ACTR3C: variants seen among roughly 807,000 people sequenced by gnomAD.
ACTR3C encodes the protein actin-related protein 3C.
A neutral mutation model predicts 26.3 loss-of-function variants in ACTR3C; 18 were observed. The observed-to-expected ratio is 0.68, with a 90% CI of 0.47 to 1.01. ACTR3C has a LOEUF of 1.01. Ranked by LOEUF, ACTR3C falls within the 50% of genes least tolerant of loss-of-function variation. The pLI, the probability that ACTR3C is intolerant of heterozygous loss-of-function variation, is 0.00. For missense variants in ACTR3C, 184 were observed against 250.7 expected (o/e 0.73, Z 1.80); for synonymous variants, 55 against 94.5 (o/e 0.58, Z 2.42).
the ACTR3C span, among the ~76,000 whole-genome samples, chr7:150,235,319 G>T: frequency 1.2e-4 from 19 of 152,298 alleles, no homozygotes; most frequent in East Asian, 1.7e-3. Flanking sequence ...GTACAAGGGA[G>T]GTGAGGGGTC....
the ACTR3C span, among the ~76,000 whole-genome samples, chr7:149,997,757 C>G: frequency 6.7e-6 from 1 of 149,742 alleles, no homozygotes; most frequent in Non-Finnish European, 1.5e-5. Context: ...TCCTAAAAAT[C>G]ATAAATCTGT....
chr7:149,886,861 G>A, the ACTR3C span, among the ~76,000 whole-genome samples: 6 of 151,946 alleles, frequency 3.9e-5, no homozygotes, highest in Admixed American at 6.6e-5. Flanking sequence ...TCAGGAAGGC[G>A]AGGTAGGGGA....
chr7:150,322,070 C>G (rs946160192), intron 1 of ACTR3C, among the ~76,000 whole-genome samples: 1 of 152,232 alleles, frequency 6.6e-6, no homozygotes, highest in African/African-American at 2.4e-5. Flanking sequence ...TGTGCTCGTC[C>G]AGGGAACATG....
rs1050036040 is a variant in ACTR3C, at chr7:150,289,646, G to A, written c.154-53C>T. 2.5e-6 allele frequency: 4 copies of A among 1,571,890 alleles called. No homozygotes were observed. In the African/African-American group the frequency reaches 5.4e-5, roughly 21 times the overall value. On this transcript the variant is annotated intron_variant, in intron 3 of 7. Transcript: ENST00000683684. ...TGTGTTAGTGATTTCGTGGTGGAGA[G>A]CAGCCTGGACTCACGAGGTTTCCTG...
the ACTR3C span, among the ~76,000 whole-genome samples, chr7:149,989,851 C>A: frequency 8.5e-5 from 13 of 152,208 alleles, no homozygotes; most frequent in African/African-American, 3.1e-4. Flanking sequence ...TTTTAAGGAA[C>A]CTCCACACTA....
At chr7:149,992,285 C>T in the ACTR3C span, among the ~76,000 whole-genome samples, 1 of 152,242 alleles carries the variant, frequency 6.6e-6, no homozygotes, top group Non-Finnish European at 1.5e-5. Flanking sequence ...GTCATGGGAT[C>T]TTTGAAATAT....
At chr7:150,139,404 A>G in the ACTR3C span, among the ~76,000 whole-genome samples, 5,739 of 152,338 alleles carry the variant, frequency 0.038, 122 homozygotes, top group Non-Finnish European at 0.063. Context: ...AACTTCTCAC[A>G]GGAGCTTAGG....
the ACTR3C span, among the ~76,000 whole-genome samples, chr7:150,082,401 A>G: frequency 1.3e-5 from 2 of 152,144 alleles, no homozygotes; most frequent in Non-Finnish European, 2.9e-5. Flanking sequence ...TGTGCCAGGC[A>G]CTGTGTTGGC....
chr7:150,207,993 G>T, the ACTR3C span, among the ~76,000 whole-genome samples: 1 of 152,090 alleles, frequency 6.6e-6, no homozygotes, highest in African/African-American at 2.4e-5. Flanking sequence ...AACAGGAAAT[G>T]GATGAATCCT....
chr7:150,211,506 C>T, the ACTR3C span, among the ~76,000 whole-genome samples: 6 of 151,514 alleles, frequency 4.0e-5, no homozygotes, highest in Admixed American at 1.3e-4. Flanking sequence ...ATCTTGAACT[C>T]GTGGACTCAA....
the ACTR3C span, among the ~76,000 whole-genome samples, chr7:149,893,390 G>T: frequency 6.6e-6 from 1 of 152,224 alleles, no homozygotes; most frequent in African/African-American, 2.4e-5. Context: ...TGTCTCTCCA[G>T]TGGGAGGCTC....
At chr7:150,159,188 A>G in the ACTR3C span, among the ~76,000 whole-genome samples, 1 of 151,482 alleles carries the variant, frequency 6.6e-6, no homozygotes, top group Non-Finnish European at 1.5e-5. Flanking sequence ...CTGGAAAAAA[A>G]TATCAAAAAG....
the ACTR3C span, among the ~76,000 whole-genome samples, chr7:150,184,960 A>G: frequency 4.6e-5 from 7 of 150,698 alleles, no homozygotes; most frequent in Admixed American, 4.6e-4. Context: ...GCCCACCACA[A>G]TATACAGAAG....
intron 6 of ACTR3C, among the ~76,000 whole-genome samples, chr7:150,270,738 T>G (rs971422336): frequency 1.3e-5 from 2 of 151,836 alleles, no homozygotes; most frequent in African/African-American, 2.4e-5. Context: ...TAGCTCTCCC[T>G]GTGCTGAGCT....
the ACTR3C span, among the ~76,000 whole-genome samples, chr7:150,031,126 G>A: frequency 6.6e-6 from 1 of 151,942 alleles, no homozygotes; most frequent in Admixed American, 6.5e-5. Flanking sequence ...GCATGCTAGT[G>A]TGTGCCTGTA....
At chr7:149,918,803 C>G in the ACTR3C span, among the ~76,000 whole-genome samples, 1 of 152,122 alleles carries the variant, frequency 6.6e-6, no homozygotes, top group Non-Finnish European at 1.5e-5. Context: ...ACCCATCGTG[C>G]CTGACTTTAG....
the ACTR3C span, among the ~76,000 whole-genome samples, chr7:150,114,171 C>T: frequency 1.3e-5 from 2 of 152,186 alleles, no homozygotes; most frequent in South Asian, 4.1e-4. Flanking sequence ...CCTGCTAAAA[C>T]TTTCAGCACT....
chr7:150,157,877 T>C, the ACTR3C span, among the ~76,000 whole-genome samples: 1 of 151,980 alleles, frequency 6.6e-6, no homozygotes, highest in Non-Finnish European at 1.5e-5. Flanking sequence ...TGAGCAGACA[T>C]GATGTAGAAC....
At chr7:150,148,251 G>T in the ACTR3C span, among the ~76,000 whole-genome samples, 2 of 152,024 alleles carry the variant, frequency 1.3e-5, no homozygotes, top group African/African-American at 4.8e-5. Flanking sequence ...GGCTGATGAG[G>T]GCGGATCACG....
Sources: gnomAD v4.1 joint callset for allele counts (sites outside exome capture counted in the v4.1 genomes callset) on GRCh38, gnomAD v4.1.1 for gene constraint, MANE v1.5 for transcripts, NCBI Gene and HGNC (gene_info 2026-07-23, HGNC 2026-07-21) for gene names.